Variants in MFSD2A observed in about 807,000 individuals in gnomAD.
MFSD2A encodes MFSD2 lysolipid transporter A, lysophospholipid, also known as sodium-dependent lysophosphatidylcholine symporter 1.
Under a neutral mutation model 64.7 loss-of-function variants are expected in MFSD2A, and 27 were observed. That is an observed-to-expected ratio of 0.42 (90% CI 0.31 to 0.58). MFSD2A has a LOEUF of 0.58. Among genes scored for constraint, MFSD2A ranks in the 20% least tolerant of loss-of-function variants. The pLI is 0.18. For synonymous variants in MFSD2A, 258 were observed against 273.4 expected, an observed-to-expected ratio of 0.94 and a Z score of 0.55; for missense variants, 474 against 679.5, an observed-to-expected ratio of 0.70 and a Z score of 3.36.
intron 7 of MFSD2A, 26 bp from the exon 8 acceptor site, chr1:39,966,785 T>A (rs1405874367): frequency 6.2e-7 from 1 of 1,614,012 alleles, no homozygotes; most frequent in South Asian, 1.1e-5. Context: ...CTCTGCTCCT[T>A]CCTCACTGTC....
At chr1:39,956,455 G>A (rs1381064694) in intron 1 of MFSD2A, among the ~76,000 whole-genome samples, 3 of 152,164 alleles carry the variant, frequency 2.0e-5, no homozygotes, top group Admixed American at 6.5e-5. Flanking sequence ...GGCAGCAAGC[G>A]GATTTTCAGG....
chr1:39,961,498 G>A (rs1026250543), intron 3 of MFSD2A, among the ~76,000 whole-genome samples: 39 of 151,982 alleles, frequency 2.6e-4, no homozygotes, highest in Non-Finnish European at 4.7e-4. Context: ...ACAGGCGCCC[G>A]CCACCATTCC....
chr1:39,958,113 T>G lies in MFSD2A; in HGVS notation c.229-588T>G. ...GAAGAATACCCACTCCCCAGAGAAA[T>G]AGCAATAGCAGGGCTTTGATGGATA... On this transcript the variant is annotated intron_variant, in intron 2 of 13. Coordinates refer to ENST00000372811, the MANE Select transcript of MFSD2A (RefSeq NM_032793.5). The surrounding 1 kb of genome is among the most constrained non-coding windows in gnomAD (Gnocchi z 4.7). 6.8e-6 allele frequency among the ~76,000 whole-genome samples: 1 copy of G among 147,058 alleles called. No homozygotes were observed. The highest frequency in any genetic ancestry group is 2.6e-5 in the African/African-American group (1 of 39,150).
chr1:39,956,422 T>A (rs539788904), intron 1 of MFSD2A, among the ~76,000 whole-genome samples: 6 of 152,136 alleles, frequency 3.9e-5, no homozygotes, highest in Non-Finnish European at 8.8e-5. Context: ...GGTGGGAGCC[T>A]GGGCTGGGCT....
rs144719934 is a variant in MFSD2A, at chr1:39,967,828, G to A, written c.1120G>A (p.Val374Met). Residue 374 changes from valine (V) to methionine (M), a missense_variant, in exon 11 of 14, where the codon GTG (valine) becomes ATG (methionine). Transcript: ENST00000372811. Reference sequence around the variant, plus strand: ...GTCAGCAGTGCCATTTCTCATCTTGGTGGCCCTCATGGAGAGTAACCTCAT... The same window carrying A: ...GTCAGCAGTGCCATTTCTCATCTTGATGGCCCTCATGGAGAGTAACCTCAT... ...ISSAVPFLIL[V>M]ALMESNLIIT... 2.5e-6 allele frequency: 4 copies of A among 1,613,802 alleles called. No individual in the cohort carries two copies. The African/African-American group carries it at 5.3e-5, about 22-fold the overall frequency.
Position 39,965,412 on chromosome 1 carries a change from G to A in MFSD2A, c.478-59G>A. ...CCTTGGGGCCCCCAGGGTTGGTACT[G>A]GAAGCTACATCAGTGTGTCCACCCG... On this transcript the variant is annotated intron_variant, in intron 4 of 13. Transcript: ENST00000372811. The surrounding 1 kb of genome is among the most constrained non-coding windows in gnomAD (Gnocchi z 5.5). 9 of 1,613,564 alleles carry A rather than the reference G, an allele frequency of 5.6e-6. No homozygotes were observed. Among genetic ancestry groups the A allele is most frequent in the Admixed American group, 3.3e-5 (2 of 60,008 alleles).
chr1:39,968,829 A>C lies in MFSD2A; in HGVS notation c.1529+84A>C. On this transcript the variant is annotated intron_variant, in intron 13 of 13. Transcript: ENST00000372811. The surrounding 1 kb of genome is among the most constrained non-coding windows in gnomAD (Gnocchi z 4.4). ...ATTTGTGTCTCCTGTGGCCAAGTCCAGACTCACCCCCCACACATCTTCTCT... is the reference window on the plus strand; with the variant it reads ...ATTTGTGTCTCCTGTGGCCAAGTCCCGACTCACCCCCCACACATCTTCTCT... 1.2e-5 allele frequency: 18 copies of C among 1,455,980 alleles called. No individual in the cohort carries two copies. Among genetic ancestry groups the C allele is most frequent in the Non-Finnish European group, 1.7e-5 (18 of 1,061,642 alleles). The allele number at this position is 1,455,980 out of a possible 1,614,324, so 90.2% of individuals were successfully genotyped here.
At position 39,958,422 on chromosome 1, in the gene MFSD2A, T is replaced by A. The variant is rs1644971855; in HGVS notation, c.229-279T>A. Among the ~76,000 whole-genome samples, 1 of 152,064 alleles carries A rather than the reference T, an allele frequency of 6.6e-6. No homozygotes were observed. The highest frequency in any genetic ancestry group is 2.4e-5 in the African/African-American group (1 of 41,412). The stretch of plus-strand genomic sequence containing the variant: ...AGGGAAGGAAATGTTTGTGGATTCA[T>A]TTGAATTGATGGGAATGTTTTCAAG... On this transcript the variant is annotated intron_variant, in intron 2 of 13. Coordinates refer to ENST00000372811, the MANE Select transcript of MFSD2A (RefSeq NM_032793.5). This position sits in a 1 kb window ranked among gnomAD's most constrained non-coding sequence, Gnocchi z 4.7.
Position 39,955,244 on chromosome 1 carries a change from C to T in MFSD2A, c.-49C>T. 1 of 1,338,644 alleles carries T rather than the reference C, an allele frequency of 7.5e-7. No individual in the cohort carries two copies. The highest frequency in any genetic ancestry group is 9.7e-7 in the Non-Finnish European group (1 of 1,033,542). The allele number at this position is 1,338,644 out of a possible 1,614,324, so 82.9% of individuals were successfully genotyped here. Reference sequence around the variant, plus strand: ...TTGGGAGGAGCAGCGGCCTGCGGGGCAGAGGAGCATCCCGTCTACCAGGTC... The same window carrying T: ...TTGGGAGGAGCAGCGGCCTGCGGGGTAGAGGAGCATCCCGTCTACCAGGTC... On this transcript the variant is annotated 5_prime_UTR_variant, in exon 1 of 14. Coordinates refer to ENST00000372811, the MANE Select transcript of MFSD2A (RefSeq NM_032793.5). This position sits in a 1 kb window ranked among gnomAD's most constrained non-coding sequence, Gnocchi z 5.9.
At position 39,965,200 on chromosome 1, in the gene MFSD2A, C is replaced by G. The variant is rs1645130517; in HGVS notation, c.354-11C>G. The G allele has an allele frequency of 1.9e-6, 3 of 1,613,938 alleles. No individual in the cohort carries two copies. The highest frequency in any genetic ancestry group is 2.5e-6 in the Non-Finnish European group (3 of 1,179,998). On this transcript the variant is annotated splice_polypyrimidine_tract_variant and intron_variant, in intron 3 of 13. Transcript: ENST00000372811. This position sits in a 1 kb window ranked among gnomAD's most constrained non-coding sequence, Gnocchi z 5.5. ...GCCTCCAGCCTCCACTCACACCCTC[C>G]TCTTCCTCAGGATCATCTTCTCCAC...
In MFSD2A at chr1:39,957,359, G is replaced by T. The variant is rs937157; in HGVS notation, c.228+138G>T. On this transcript the variant is annotated intron_variant, in intron 2 of 13. Coordinates refer to ENST00000372811, the MANE Select transcript of MFSD2A (RefSeq NM_032793.5). ...ACTACTTTGCTGCCTCTGAGTCAGT[G>T]AGCAAGAAATGAGAAGACCCTGGAA... 1.2e-3 allele frequency: 1,092 copies of T among 880,932 alleles called. 7 individuals carry two copies. The African/African-American group carries it at 0.017, about 14-fold the overall frequency. The allele number at this position is 880,932 out of a possible 1,614,324, so 54.6% of individuals were successfully genotyped here.
In MFSD2A at chr1:39,958,673, A is replaced by G. The variant is rs1363130738; in HGVS notation, c.229-28A>G. On this transcript the variant is annotated intron_variant, in intron 2 of 13. Coordinates refer to ENST00000372811, the MANE Select transcript of MFSD2A (RefSeq NM_032793.5). The surrounding 1 kb of genome is among the most constrained non-coding windows in gnomAD (Gnocchi z 4.7). Reference sequence around the variant, plus strand: ...GTTGAGGCGAGTAGAAGGATGAGGAAGTTGTCTTTTGCTTCTCCTCATTCC... The same window carrying G: ...GTTGAGGCGAGTAGAAGGATGAGGAGGTTGTCTTTTGCTTCTCCTCATTCC... The G allele has an allele frequency of 6.2e-7, 1 of 1,614,024 alleles. No individual in the cohort carries two copies. Among genetic ancestry groups the G allele is most frequent in the East Asian group, 2.2e-5 (1 of 44,870 alleles).
At position 39,955,568 on chromosome 1, in the gene MFSD2A, G is replaced by A. The variant is rs1273414854; in HGVS notation, c.93+183G>A. The A allele has an allele frequency of 6.9e-6, 5 of 726,518 alleles. No homozygotes were observed. Among genetic ancestry groups the A allele is most frequent in the South Asian group, 1.5e-5 (1 of 66,356 alleles). 45.0% of individuals were successfully genotyped at this position (726,518 alleles called of 1,614,324 possible). ...GGGGTGACGGAGAAAAGCTGTGGGC[G>A]CCCTCGCCCCCCTTTGCTCACCCGC... is the stretch of plus-strand genomic sequence containing the variant. On this transcript the variant is annotated intron_variant, in intron 1 of 13. Transcript: ENST00000372811. This position sits in a 1 kb window ranked among gnomAD's most constrained non-coding sequence, Gnocchi z 5.9.
In MFSD2A at chr1:39,968,179, A is replaced by T; in HGVS notation, c.1209-155A>T. 1.1e-6 allele frequency: 1 copy of T among 882,408 alleles called. No homozygotes were observed. The highest frequency in any genetic ancestry group is 1.7e-6 in the Non-Finnish European group (1 of 585,312). 54.7% of individuals were successfully genotyped at this position (882,408 alleles called of 1,614,324 possible). A position where few individuals can be genotyped will look rare whatever the true frequency, so the allele number is the denominator to read the frequency against. ...CCTCCAGGCAGGGTTACTTCCTCTTAGAGCAAGAGGCCTTTTCTTATTCAT... is the reference window on the plus strand; with the variant it reads ...CCTCCAGGCAGGGTTACTTCCTCTTTGAGCAAGAGGCCTTTTCTTATTCAT... On this transcript the variant is annotated intron_variant, in intron 11 of 13. Transcript: ENST00000372811. The surrounding 1 kb of genome is among the most constrained non-coding windows in gnomAD (Gnocchi z 4.4).
chr1:39,957,264 G>A (rs775764963), intron 2 of MFSD2A, 43 bp downstream of exon 2: 26 of 1,510,598 alleles, frequency 1.7e-5, no homozygotes, highest in Middle Eastern at 1.9e-4. Flanking sequence ...GCATCCTGAG[G>A]TGGGAAAGAC....
Position 39,969,523 on chromosome 1 carries a change from TG to T in MFSD2A, c.1550del (p.Gly517AlafsTer95). The T allele has an allele frequency of 6.3e-7, 1 of 1,599,416 alleles. No homozygotes were observed. The highest frequency in any genetic ancestry group is 8.5e-7 in the Non-Finnish European group (1 of 1,174,478). ...QALRDEASSS[G>X]CSETDSTELA... Reference sequence around the variant, plus strand: ...CTTGCAGGGACGAGGCCAGCAGCTCTGGCTGCTCAGAAACAGACTCCACAGA... The same window carrying T: ...CTTGCAGGGACGAGGCCAGCAGCTCTGCTGCTCAGAAACAGACTCCACAGA... On this transcript the variant is annotated frameshift_variant, in exon 14 of 14. Coordinates refer to ENST00000372811, the MANE Select transcript of MFSD2A (RefSeq NM_032793.5). LOFTEE classifies it high-confidence loss of function.
intron 3 of MFSD2A, chr1:39,962,944 A>G (rs1333489654): frequency 9.6e-6 from 15 of 1,557,422 alleles, no homozygotes. Flanking sequence ...ATCGGAGACT[A>G]CAATGGCCAT....
intron 6 of MFSD2A, among the ~76,000 whole-genome samples, chr1:39,966,341 G>T (rs1645160611): frequency 6.6e-6 from 1 of 152,108 alleles, no homozygotes; most frequent in African/African-American, 2.4e-5. Context: ...AGTTGCCCAG[G>T]CTGGTTTCAA....
Position 39,964,999 on chromosome 1 carries a change from A to T in MFSD2A, c.354-212A>T. ...CCTCACACTCCATGCCTAGGATTTCAGTCTGGGGTCCCAGTTCCCATCTGC... is the reference window on the plus strand; with the variant it reads ...CCTCACACTCCATGCCTAGGATTTCTGTCTGGGGTCCCAGTTCCCATCTGC... On this transcript the variant is annotated intron_variant, in intron 3 of 13. Transcript: ENST00000372811. This position sits in a 1 kb window ranked among gnomAD's most constrained non-coding sequence, Gnocchi z 4.1. 1 of 614,814 alleles carries T rather than the reference A, an allele frequency of 1.6e-6. No homozygotes were observed. The highest frequency in any genetic ancestry group is 2.8e-6 in the Non-Finnish European group (1 of 353,640). The allele number at this position is 614,814 out of a possible 1,614,324, so 38.1% of individuals were successfully genotyped here.
Sources: gnomAD v4.1 joint callset for allele counts (sites outside exome capture counted in the v4.1 genomes callset) on GRCh38, gnomAD v4.1.1 for gene constraint, Gnocchi (gnomAD v3.1) non-coding constraint, MANE v1.5 for transcripts, NCBI Gene and HGNC (gene_info 2026-07-23, HGNC 2026-07-21) for gene names.